Variants in DGKB observed in about 807,000 individuals in gnomAD.
The protein encoded by DGKB is diacylglycerol kinase beta, also known as 90 kDa diacylglycerol kinase.
Under a neutral mutation model 114.3 loss-of-function variants are expected in DGKB, and 67 were observed. That is an observed-to-expected ratio of 0.59 (90% confidence interval 0.48 to 0.72). The LOEUF (loss-of-function observed/expected upper bound fraction) is 0.72, where lower values mean the gene tolerates loss of function less well. Ranked by LOEUF, DGKB falls within the 30% of genes least tolerant of loss-of-function variation. The pLI, the probability that DGKB is intolerant of heterozygous loss-of-function variation, is 0.00. For synonymous variants in DGKB, 398 were observed against 323.1 expected, an observed-to-expected ratio of 1.23 and a Z score of -2.49; for missense variants, 907 against 975.2, an observed-to-expected ratio of 0.93 and a Z score of 0.93.
chr7:14,170,148 AGAAAG>A (rs1562523152), intron 25 of DGKB, among the ~76,000 whole-genome samples: 3 of 50,178 alleles, frequency 6.0e-5, no homozygotes, highest in African/African-American at 2.8e-4. Flanking sequence ...AAAAAAAAAA[AGAAAG>A]AAAGAAAGAA....
intron 23 of DGKB, among the ~76,000 whole-genome samples, chr7:14,231,144 T>C (rs1562685327): frequency 7.0e-6 from 1 of 142,070 alleles, no homozygotes; most frequent in Non-Finnish European, 1.6e-5. Flanking sequence ...TCTTTCTTTC[T>C]TTTTCTTTCT....
intron 2 of DGKB, among the ~76,000 whole-genome samples, chr7:14,772,778 T>G (rs1409371659): frequency 1.3e-5 from 2 of 152,002 alleles, no homozygotes; most frequent in Non-Finnish European, 2.9e-5. Context: ...ATTTCCAGAG[T>G]CAAAACCACC....
chr7:14,934,574 T>A (rs1364894467), intron 1 of DGKB, among the ~76,000 whole-genome samples: 1 of 152,120 alleles, frequency 6.6e-6, no homozygotes, highest in African/African-American at 2.4e-5. Flanking sequence ...CAACAAGAAA[T>A]CATCAGATAC....
At chr7:14,604,766 C>A (rs779807880) in intron 17 of DGKB, among the ~76,000 whole-genome samples, 16 of 152,048 alleles carry the variant, frequency 1.1e-4, no homozygotes, top group Non-Finnish European at 1.9e-4. Context: ...GTGAGCAGAT[C>A]AGTCATTGAG....
At chr7:14,631,797 A>G (rs1174038156) in intron 13 of DGKB, among the ~76,000 whole-genome samples, 1 of 152,028 alleles carries the variant, frequency 6.6e-6, no homozygotes, top group Non-Finnish European at 1.5e-5. Flanking sequence ...TAAGGTCTGA[A>G]TAAAATTGCA....
chr7:14,316,053 A>G (rs1366263110), intron 23 of DGKB, among the ~76,000 whole-genome samples: 5 of 150,884 alleles, frequency 3.3e-5, no homozygotes, highest in Non-Finnish European at 7.4e-5. Context: ...TAACGAAATG[A>G]AGGCAGAAAT....
At chr7:14,768,249 T>A (rs946586311) in intron 2 of DGKB, among the ~76,000 whole-genome samples, 4 of 151,992 alleles carry the variant, frequency 2.6e-5, no homozygotes, top group African/African-American at 9.6e-5. Context: ...TCCGGAGGCA[T>A]GAAGCTTTAA....
intron 1 of DGKB, among the ~76,000 whole-genome samples, chr7:14,937,372 T>C (rs565650833): frequency 6.6e-6 from 1 of 152,074 alleles, no homozygotes; most frequent in Admixed American, 6.6e-5. Context: ...CCAGGTACAT[T>C]GCATATTTTC....
At chr7:14,311,581 C>G (rs1173642634) in intron 23 of DGKB, among the ~76,000 whole-genome samples, 1 of 152,126 alleles carries the variant, frequency 6.6e-6, no homozygotes, top group East Asian at 1.9e-4. Context: ...TGCCACCATG[C>G]CTGGCGAACT....
intron 20 of DGKB, among the ~76,000 whole-genome samples, chr7:14,544,712 C>T (rs1341842876): frequency 6.6e-6 from 1 of 152,056 alleles, no homozygotes; most frequent in Non-Finnish European, 1.5e-5. Context: ...ACATTGGAGT[C>T]TGGATAATAG....
chr7:14,568,530 T>C (rs73680431), intron 20 of DGKB, among the ~76,000 whole-genome samples: 499 of 152,258 alleles, frequency 3.3e-3, no homozygotes, highest in African/African-American at 0.011. Context: ...ATTCAGTTGT[T>C]GAATAGAGAA....
At chr7:14,595,834 T>C (rs565540675) in intron 17 of DGKB, among the ~76,000 whole-genome samples, 1 of 152,072 alleles carries the variant, frequency 6.6e-6, no homozygotes, top group African/African-American at 2.4e-5. Flanking sequence ...TATGTTTAAA[T>C]TGATGATTTA....
intron 2 of DGKB, among the ~76,000 whole-genome samples, chr7:14,769,934 CA>C (rs926038297): frequency 6.6e-6 from 1 of 152,074 alleles, no homozygotes; most frequent in Non-Finnish European, 1.5e-5. Flanking sequence ...ACTTACAAAT[CA>C]CATCAAATGT....
intron 20 of DGKB, among the ~76,000 whole-genome samples, chr7:14,543,922 G>C (rs1000521024): frequency 6.6e-6 from 1 of 152,134 alleles, no homozygotes; most frequent in African/African-American, 2.4e-5. Context: ...TTAAAATGAA[G>C]TATATAATGT....
At chr7:14,289,608 C>T (rs1432887959) in intron 23 of DGKB, among the ~76,000 whole-genome samples, 1 of 152,042 alleles carries the variant, frequency 6.6e-6, no homozygotes, top group Non-Finnish European at 1.5e-5. Context: ...CTACCTAATT[C>T]ATAGCACTAT....
chr7:14,193,228 T>C (rs939216725), intron 23 of DGKB, among the ~76,000 whole-genome samples: 4 of 148,264 alleles, frequency 2.7e-5, no homozygotes, highest in Admixed American at 2.0e-4. Context: ...ATACCCTAAA[T>C]AGCCAAAGAC....
chr7:14,338,769 C>A (rs1190516300), intron 22 of DGKB, 59 bp from the exon 23 acceptor site: 2 of 1,135,672 alleles, frequency 1.8e-6, no homozygotes, highest in African/African-American at 3.2e-5. Flanking sequence ...TCCCTGATTT[C>A]TTGTTTTTCA....
At chr7:14,273,380 AAAAG>A (rs1355596545) in intron 23 of DGKB, among the ~76,000 whole-genome samples, 1 of 152,090 alleles carries the variant, frequency 6.6e-6, no homozygotes, top group Non-Finnish European at 1.5e-5. Flanking sequence ...AGAAAGAAAG[AAAAG>A]AAAGGTCTGA....
At chr7:14,352,564 C>G (rs964715294) in intron 21 of DGKB, among the ~76,000 whole-genome samples, 10 of 152,144 alleles carry the variant, frequency 6.6e-5, no homozygotes, top group African/African-American at 2.2e-4. Flanking sequence ...TTATTTGAAA[C>G]GTAAAATGAA....
Sources: gnomAD v4.1 joint callset for allele counts (sites outside exome capture counted in the v4.1 genomes callset) on GRCh38, gnomAD v4.1.1 for gene constraint, MANE v1.5 for transcripts, NCBI Gene and HGNC (gene_info 2026-07-23, HGNC 2026-07-21) for gene names.